Variants in C12orf42 observed in about 807,000 individuals in gnomAD.
C12orf42 encodes chromosome 12 open reading frame 42.
In C12orf42, 25 loss-of-function variants were observed where a neutral mutation model predicts 21.6. The observed-to-expected ratio is 1.16, with a 90% confidence interval of 0.84 to 1.62. The LOEUF is 1.62. C12orf42 is among the 40% of genes most tolerant of loss of function. The pLI, the probability that C12orf42 is intolerant of heterozygous loss-of-function variation, is 0.00. For missense variants in C12orf42, 483 were observed against 459.3 expected, an observed-to-expected ratio of 1.05 and a Z score of -0.47; for synonymous variants, 174 against 175.0, an observed-to-expected ratio of 0.99 and a Z score of 0.05.
chr12:103,217,139 G>A, the C12orf42 span, among the ~76,000 whole-genome samples: 1 of 152,214 alleles, frequency 6.6e-6, no homozygotes, highest in South Asian at 2.1e-4. Flanking sequence ...TACCACTCCT[G>A]GCTGACAAGA....
chr12:103,540,961 T>C, the C12orf42 span, among the ~76,000 whole-genome samples: 2 of 152,202 alleles, frequency 1.3e-5, no homozygotes, highest in South Asian at 2.1e-4. Flanking sequence ...TGAGGTGCAG[T>C]GGTGCAGTCT....
At chr12:103,507,197 ATTTATATT>A in the C12orf42 span, among the ~76,000 whole-genome samples, 1 of 36,460 alleles carries the variant, frequency 2.7e-5, no homozygotes, top group Non-Finnish European at 3.9e-5. Context: ...ATATATATAT[ATTTATATT>A]ATATATATAA....
intron 3 of C12orf42, among the ~76,000 whole-genome samples, chr12:103,387,098 C>A (rs1236390455): frequency 6.6e-6 from 1 of 152,354 alleles, no homozygotes; most frequent in Non-Finnish European, 1.5e-5. Context: ...TATTCTGGAA[C>A]TTCAAGTATA....
chr12:103,473,536 C>T (rs763849521), intron 2 of C12orf42, among the ~76,000 whole-genome samples: 3 of 152,224 alleles, frequency 2.0e-5, no homozygotes, highest in Non-Finnish European at 2.9e-5. Flanking sequence ...GTGAATGTGA[C>T]AGGTGCAATT....
chr12:103,473,172 C>T (rs993869213), intron 2 of C12orf42, among the ~76,000 whole-genome samples: 3 of 152,144 alleles, frequency 2.0e-5, no homozygotes, highest in South Asian at 4.1e-4. Flanking sequence ...TAATACAGTA[C>T]TTTACAGTTG....
chr12:103,277,044 AT>A (rs1372610260), intron 5 of C12orf42: 1 of 426,508 alleles, frequency 2.3e-6, no homozygotes, highest in Non-Finnish European at 4.6e-6. Context: ...AACACAGGAA[AT>A]TTTTTAAAGT....
chr12:103,360,142 T>C (rs989602785), intron 4 of C12orf42, among the ~76,000 whole-genome samples: 2 of 149,300 alleles, frequency 1.3e-5, no homozygotes, highest in Admixed American at 6.6e-5. Context: ...CCATGCAACT[T>C]GATCATATCT....
At chr12:103,394,975 C>A (rs1443896735) in intron 3 of C12orf42, among the ~76,000 whole-genome samples, 2 of 152,208 alleles carry the variant, frequency 1.3e-5, no homozygotes, top group African/African-American at 2.4e-5. Context: ...CAGAGTGCCT[C>A]CAGTACCTGC....
intron 10 of C12orf42, among the ~76,000 whole-genome samples, chr12:103,240,223 T>A (rs573174909): frequency 6.6e-6 from 1 of 152,252 alleles, no homozygotes; most frequent in East Asian, 1.9e-4. Flanking sequence ...TATGAGTCAA[T>A]CATAGAGATC....
chr12:103,476,318 C>T (rs1348210875), intron 2 of C12orf42, among the ~76,000 whole-genome samples: 1 of 152,202 alleles, frequency 6.6e-6, no homozygotes, highest in Non-Finnish European at 1.5e-5. Flanking sequence ...ACTCCTGTCC[C>T]TGATCCATTC....
downstream of C12orf42, among the ~76,000 whole-genome samples, chr12:103,234,271 T>A (rs1289546156): frequency 6.6e-6 from 1 of 152,198 alleles, no homozygotes; most frequent in Non-Finnish European, 1.5e-5. Flanking sequence ...CTGTTGTTCA[T>A]GTGCTTAGGT....
the C12orf42 span, among the ~76,000 whole-genome samples, chr12:103,525,214 G>A: frequency 8.6e-4 from 131 of 152,062 alleles, no homozygotes; most frequent in African/African-American, 2.7e-3. Context: ...GAGATTGGGC[G>A]GGGGGAAGTC....
intron 2 of C12orf42, among the ~76,000 whole-genome samples, chr12:103,471,698 C>T (rs1400284045): frequency 6.6e-6 from 1 of 152,226 alleles, no homozygotes; most frequent in Non-Finnish European, 1.5e-5. Flanking sequence ...TTTTGGTCTA[C>T]ACCCCATGGT....
the C12orf42 span, among the ~76,000 whole-genome samples, chr12:103,155,828 T>G: frequency 6.6e-6 from 1 of 150,896 alleles, no homozygotes; most frequent in East Asian, 1.9e-4. Flanking sequence ...TATAGATATG[T>G]GTGTATATAT....
intron 1 of C12orf42, among the ~76,000 whole-genome samples, chr12:103,479,423 C>A (rs1954302619): frequency 6.6e-6 from 1 of 151,932 alleles, no homozygotes; most frequent in Non-Finnish European, 1.5e-5. Context: ...GAGGTGATAT[C>A]AACAGGTCAG....
chr12:103,286,741 G>T (rs1366564097), intron 4 of C12orf42, among the ~76,000 whole-genome samples: 7 of 152,160 alleles, frequency 4.6e-5, no homozygotes, highest in Admixed American at 4.6e-4. Context: ...ATGGATCATA[G>T]AATATGGAAG....
intron 10 of C12orf42, among the ~76,000 whole-genome samples, chr12:103,243,500 T>C (rs762690510): frequency 2.5e-4 from 38 of 152,220 alleles, no homozygotes; most frequent in Non-Finnish European, 4.3e-4. Flanking sequence ...TTGTAATTAT[T>C]AAAATAATTT....
At chr12:103,269,136 ATC>A (rs2035316407) in intron 6 of C12orf42, among the ~76,000 whole-genome samples, 2 of 152,086 alleles carry the variant, frequency 1.3e-5, no homozygotes. Flanking sequence ...TGTTTTAAGG[ATC>A]TCTGTTCATT....
At chr12:103,094,503 A>G in the C12orf42 span, among the ~76,000 whole-genome samples, 2 of 152,196 alleles carry the variant, frequency 1.3e-5, no homozygotes, top group African/African-American at 4.8e-5. Context: ...TTAATTCATG[A>G]GTTCTTTCCC....
Sources: allele counts gnomAD v4.1 joint callset (sites outside exome capture counted in the v4.1 genomes callset), GRCh38; gene constraint gnomAD v4.1.1; transcripts MANE v1.5; gene names NCBI Gene and HGNC (gene_info 2026-07-23, HGNC 2026-07-21).